Variants in TMEM38A observed in about 807,000 individuals in gnomAD.
The protein encoded by TMEM38A is transmembrane protein 38A.
A neutral mutation model predicts 28.6 loss-of-function variants in TMEM38A; 17 were observed. The ratio of observed to expected loss-of-function variants is 0.60; its 90% CI spans 0.41 to 0.89. The LOEUF is 0.89. TMEM38A is among the 40% of genes least tolerant of loss of function. The probability of loss-of-function intolerance (pLI) is 0.00; values close to 1 mark genes in which losing one functional copy is unlikely to be tolerated. For missense variants in TMEM38A, 328 were observed against 393.1 expected, an observed-to-expected ratio of 0.83 and a Z score of 1.40; for synonymous variants, 169 against 166.1, an observed-to-expected ratio of 1.02 and a Z score of -0.14.
chr19:16,672,641 G>A (rs1406997970), intron 1 of TMEM38A, among the ~76,000 whole-genome samples: 1 of 151,732 alleles, frequency 6.6e-6, no homozygotes, highest in Non-Finnish European at 1.5e-5. Flanking sequence ...TAGAGATGGG[G>A]GTTTCACCAT....
chr19:16,661,193 C>G lies in TMEM38A; in HGVS notation c.-25C>G. 7.3e-7 allele frequency: 1 copy of G among 1,365,062 alleles called. No individual in the cohort carries two copies. The highest frequency in any genetic ancestry group is 3.0e-5 in the East Asian group (1 of 32,816). The allele number at this position is 1,365,062 out of a possible 1,614,324, so 84.6% of individuals were successfully genotyped here. A position where few individuals can be genotyped will look rare whatever the true frequency, so the allele number is the denominator to read the frequency against. ...GACGAGGCCGGGGCCCCGGGTGGCACCCGGCAGGCGGGCAGGCGGGCGCCA... is the reference window on the plus strand; with the variant it reads ...GACGAGGCCGGGGCCCCGGGTGGCAGCCGGCAGGCGGGCAGGCGGGCGCCA... On this transcript the variant is annotated 5_prime_UTR_variant, in exon 1 of 6. Transcript: ENST00000187762. The surrounding 1 kb of genome is among the most constrained non-coding windows in gnomAD (Gnocchi z 6.5).
chr19:16,679,436 C>T (rs1300012249), intron 1 of TMEM38A, among the ~76,000 whole-genome samples: 1 of 152,070 alleles, frequency 6.6e-6, no homozygotes, highest in African/African-American at 2.4e-5. Flanking sequence ...GCTGGGATTA[C>T]AGGCATGCAC....
chr19:16,684,019 A>G (rs945193099), intron 4 of TMEM38A, among the ~76,000 whole-genome samples: 2 of 151,810 alleles, frequency 1.3e-5, no homozygotes, highest in African/African-American at 4.8e-5. Flanking sequence ...AGTCCCAGCT[A>G]CATGGGAGGC....
chr19:16,681,688 A>G (rs2086782611), intron 3 of TMEM38A, among the ~76,000 whole-genome samples: 2 of 152,146 alleles, frequency 1.3e-5, no homozygotes, highest in African/African-American at 4.8e-5. Context: ...GCATTATACA[A>G]TGGTGAGCCA....
rs558424228 is a variant in TMEM38A, at chr19:16,683,592, CA to C, written c.554+1103del. Among the ~76,000 whole-genome samples the C allele has an allele frequency of 4.8e-3, 385 of 80,958 alleles. 1 individual carries two copies. The highest frequency in any genetic ancestry group is 0.03 in the Middle Eastern group (4 of 132). The allele number at this position is 80,958 out of a possible 152,430, so 53.1% of individuals were successfully genotyped here. A position where few individuals can be genotyped will look rare whatever the true frequency, so the allele number is the denominator to read the frequency against. On this transcript the variant is annotated intron_variant, in intron 4 of 5. Coordinates refer to ENST00000187762, the MANE Select transcript of TMEM38A (RefSeq NM_024074.4). The stretch of plus-strand genomic sequence containing the variant: ...TGGGTGGCAGAGCAAGACCTTGTCT[CA>C]AAAAAAAAAAAAAAAAAAGGGATCA...
At position 16,682,459 on chromosome 19, in the gene TMEM38A, C is replaced by T. The variant is rs548189931; in HGVS notation, c.505C>T (p.Leu169Phe). The T allele has an allele frequency of 1.9e-6, 3 of 1,614,080 alleles. No individual in the cohort carries two copies. Among genetic ancestry groups the T allele is most frequent in the African/African-American group, 2.7e-5 (2 of 75,016 alleles). The change falls in exon 4 of 6, where the codon CTC becomes TTC. Residue 169 changes from leucine to phenylalanine, a missense_variant. By Grantham distance (22) the Leu-to-Phe change is conservative. Transcript: ENST00000187762. ...VALMSNFEQL[L>F]RGVWKPETNE... ...CCTCATGTCCAACTTTGAGCAGCTG[C>T]TCCGAGGGGTCTGGAAGCCAGAGAC...
At chr19:16,662,396 T>A (rs2086685767) in intron 1 of TMEM38A, among the ~76,000 whole-genome samples, 1 of 150,528 alleles carries the variant, frequency 6.6e-6, no homozygotes, top group African/African-American at 2.4e-5. Context: ...ATGTCTCTTC[T>A]ATTCATTTAC....
intron 1 of TMEM38A, among the ~76,000 whole-genome samples, chr19:16,679,285 GT>G (rs2086768413): frequency 8.0e-6 from 1 of 125,024 alleles, no homozygotes; most frequent in Admixed American, 8.3e-5. Flanking sequence ...GTGTGTGTGT[GT>G]GTGTGTGTGT....
At chr19:16,663,614 C>T (rs1303830200) in intron 1 of TMEM38A, among the ~76,000 whole-genome samples, 4 of 151,600 alleles carry the variant, frequency 2.6e-5, no homozygotes, top group African/African-American at 4.8e-5. Context: ...CTGCAAGCTC[C>T]GCCTCCTGGG....
intron 1 of TMEM38A, among the ~76,000 whole-genome samples, chr19:16,668,301 T>C (rs2086711853): frequency 6.6e-6 from 1 of 151,646 alleles, no homozygotes; most frequent in Admixed American, 6.6e-5. Flanking sequence ...TCCCAGCAAG[T>C]TGGGACACCA....
At chr19:16,673,964 A>G (rs1240590386) in intron 1 of TMEM38A, among the ~76,000 whole-genome samples, 1 of 151,806 alleles carries the variant, frequency 6.6e-6, no homozygotes, top group African/African-American at 2.4e-5. Flanking sequence ...TTGGCCAGGC[A>G]TGGTGGCACA....
chr19:16,669,037 C>T (rs1337972907), intron 1 of TMEM38A, among the ~76,000 whole-genome samples: 1 of 151,868 alleles, frequency 6.6e-6, no homozygotes, highest in African/African-American at 2.4e-5. Flanking sequence ...TCCATGTTGG[C>T]CAGGCTGGTC....
chr19:16,680,775 CT>C (rs1338521539), intron 3 of TMEM38A, 194 bp downstream of exon 3: 5 of 592,022 alleles, frequency 8.4e-6, no homozygotes, highest in Non-Finnish European at 1.5e-5. Flanking sequence ...AGAAATGTTA[CT>C]GTCAGGGGTA....
intron 2 of TMEM38A, 32 bp downstream of exon 2, chr19:16,680,172 C>T (rs781275836): frequency 1.0e-5 from 16 of 1,595,890 alleles, no homozygotes; most frequent in Non-Finnish European, 1.2e-5. Flanking sequence ...AGAGCAGAGC[C>T]GGGTGGGGGA....
At chr19:16,677,481 C>T (rs899743770) in intron 1 of TMEM38A, among the ~76,000 whole-genome samples, 11 of 151,050 alleles carry the variant, frequency 7.3e-5, no homozygotes, top group African/African-American at 2.5e-4. Flanking sequence ...ACTACAGGTG[C>T]ATGCCACCAT....
At chr19:16,670,915 G>T (rs1387989228) in intron 1 of TMEM38A, among the ~76,000 whole-genome samples, 1 of 152,034 alleles carries the variant, frequency 6.6e-6, no homozygotes, top group Non-Finnish European at 1.5e-5. Context: ...CTCCAGCCTG[G>T]GCGACAGAGC....
intron 1 of TMEM38A, among the ~76,000 whole-genome samples, chr19:16,676,755 CTTT>C (rs960732087): frequency 7.5e-5 from 9 of 119,278 alleles, no homozygotes; most frequent in Non-Finnish European, 1.0e-4. Context: ...TTTTCATGAC[CTTT>C]TTTTTTTTTT....
chr19:16,665,495 A>G (rs886741858), intron 1 of TMEM38A, among the ~76,000 whole-genome samples: 1 of 152,028 alleles, frequency 6.6e-6, no homozygotes, highest in Non-Finnish European at 1.5e-5. Context: ...GTCTCAAAAA[A>G]AAAAGAAAAA....
At chr19:16,681,733 G>A (rs567656750) in intron 3 of TMEM38A, among the ~76,000 whole-genome samples, 5 of 152,042 alleles carry the variant, frequency 3.3e-5, no homozygotes, top group Non-Finnish European at 7.4e-5. Context: ...TACCAGTAGC[G>A]CTCCCTCCCC....
Sources: allele counts gnomAD v4.1 joint callset (sites outside exome capture counted in the v4.1 genomes callset), GRCh38; gene constraint gnomAD v4.1.1; non-coding constraint Gnocchi (gnomAD v3.1); transcripts MANE v1.5; gene names NCBI Gene and HGNC (gene_info 2026-07-23, HGNC 2026-07-21).